CC2D2A: variants seen among roughly 807,000 people sequenced by gnomAD.
CC2D2A encodes coiled-coil and C2 domain containing 2A.
A neutral mutation model predicts 212.9 loss-of-function variants in CC2D2A; 155 were observed. The ratio of observed to expected loss-of-function variants is 0.73; its 90% CI spans 0.64 to 0.83. The LOEUF is 0.83. Among genes scored for constraint, CC2D2A ranks in the 40% least tolerant of loss-of-function variants. CC2D2A has a pLI of 0.00. For missense variants in CC2D2A, 1,856 were observed against 1,956.2 expected, an observed-to-expected ratio of 0.95 and a Z score of 0.97; for synonymous variants, 667 against 686.5, an observed-to-expected ratio of 0.97 and a Z score of 0.44.
rs79867298 is a variant in CC2D2A at position 15,582,292 on chromosome 4, G to C, written c.3975+2121G>C. 6.6e-5 allele frequency among the ~76,000 whole-genome samples: 10 copies of C among 152,072 alleles called. No homozygotes were observed. In the South Asian group the frequency reaches 1.5e-3, roughly 22 times the overall value. ...TATTGAACTAGAATACACAAGCAAA[G>C]AAATTATTTGGAATACAGCACACAG... On this transcript the variant is annotated intron_variant, in intron 30 of 36. Transcript: ENST00000424120.
intron 7 of CC2D2A, 60 bp from the exon 8 acceptor site, chr4:15,511,187 G>A: frequency 6.7e-7 from 1 of 1,500,126 alleles, no homozygotes; most frequent in Non-Finnish European, 8.9e-7. Flanking sequence ...TCAGTTAATT[G>A]TGCAGAGCGC....
At chr4:15,586,816 C>G (rs1720872078) in intron 31 of CC2D2A, among the ~76,000 whole-genome samples, 1 of 152,198 alleles carries the variant, frequency 6.6e-6, no homozygotes, top group Non-Finnish European at 1.5e-5. Flanking sequence ...ACTTCTGGAT[C>G]TCATGTTGTA....
chr4:15,576,354 C>T, intron 29 of CC2D2A: 2 of 983,854 alleles, frequency 2.0e-6, no homozygotes, highest in Non-Finnish European at 2.4e-6. Context: ...TGTTTTTCCA[C>T]TTACAGCAAT....
At position 15,514,586 on chromosome 4, in the gene CC2D2A, A is replaced by T. The variant is rs934941025; in HGVS notation, c.718-121A>T. On this transcript the variant is annotated intron_variant, in intron 8 of 36. Transcript: ENST00000424120. ...TATAGTTCTATGCTTTCACTTTTTT[A>T]AAAAAAGGAAAAGATAAAGTTGTAG... 305 of 792,008 alleles carry T rather than the reference A, an allele frequency of 3.9e-4. 1 individual carries two copies. Among genetic ancestry groups the T allele is most frequent in the Admixed American group, 1.1e-3 (31 of 28,680 alleles). 49.1% of individuals were successfully genotyped at this position (792,008 alleles called of 1,614,324 possible). A position where few individuals can be genotyped will look rare whatever the true frequency, so the allele number is the denominator to read the frequency against.
intron 4 of CC2D2A, chr4:15,481,783 A>C (rs544072001): frequency 6.1e-6 from 6 of 984,946 alleles, no homozygotes; most frequent in South Asian, 4.7e-5. Flanking sequence ...AGGGAGTGTT[A>C]ATTAGAATGG....
Position 15,566,341 on chromosome 4 carries a change from G to A in CC2D2A, c.3183-1036G>A, listed in dbSNP as rs1357363149. 2.6e-5 allele frequency among the ~76,000 whole-genome samples: 4 copies of A among 152,066 alleles called. No homozygotes were observed. The South Asian group carries it at 6.2e-4, about 24-fold the overall frequency. On this transcript the variant is annotated intron_variant, in intron 24 of 36. Transcript: ENST00000424120. ...AGCTTGGGGTTATTGGAGAGTGCAGGTACAAAGAACAGACAGTGGGGAGAA... is the reference window on the plus strand; with the variant it reads ...AGCTTGGGGTTATTGGAGAGTGCAGATACAAAGAACAGACAGTGGGGAGAA...
At chr4:15,495,644 C>T (rs982838918) in intron 4 of CC2D2A, among the ~76,000 whole-genome samples, 2 of 152,070 alleles carry the variant, frequency 1.3e-5, no homozygotes, top group Non-Finnish European at 2.9e-5. Context: ...TGATGGGCAC[C>T]TAGGTTGATT....
chr4:15,505,201 G>C (rs1316560349), intron 6 of CC2D2A, among the ~76,000 whole-genome samples: 1 of 152,142 alleles, frequency 6.6e-6, no homozygotes, highest in Non-Finnish European at 1.5e-5. Context: ...GAATACTTTG[G>C]TCAGTAATCC....
chr4:15,518,962 C>T (rs1717043302), intron 11 of CC2D2A, among the ~76,000 whole-genome samples: 1 of 152,188 alleles, frequency 6.6e-6, no homozygotes, highest in Admixed American at 6.5e-5. Flanking sequence ...AGACATTTTC[C>T]CCATTGTCTT....
At chr4:15,576,328 G>A (rs977708578) in intron 29 of CC2D2A, 37 of 968,134 alleles carry the variant, frequency 3.8e-5, no homozygotes, top group Non-Finnish European at 4.2e-5. Context: ...AAATTATAGG[G>A]TCAACAACCT....
intron 1 of CC2D2A, among the ~76,000 whole-genome samples, chr4:15,474,495 T>C: frequency 6.6e-6 from 1 of 151,064 alleles, no homozygotes; most frequent in East Asian, 1.9e-4. Context: ...AAAAAAAAAA[T>C]AGAAAGAATG....
At chr4:15,556,158 T>C (rs908137408) in intron 20 of CC2D2A, among the ~76,000 whole-genome samples, 1 of 152,258 alleles carries the variant, frequency 6.6e-6, no homozygotes, top group Non-Finnish European at 1.5e-5. Context: ...TCGAATACAA[T>C]TGGTTTTATT....
rs370007423 is a variant in CC2D2A at position 15,510,656 on chromosome 4, C to T, written c.540+416C>T. Reference sequence around the variant, plus strand: ...CTGACTCCTGTTGCCATGCAGTTTGCAAGAAAAAAGTATGAGAAGTGATTC... The same window carrying T: ...CTGACTCCTGTTGCCATGCAGTTTGTAAGAAAAAAGTATGAGAAGTGATTC... On this transcript the variant is annotated intron_variant, in intron 7 of 36. Transcript: ENST00000424120. 1.9e-4 allele frequency among the ~76,000 whole-genome samples: 29 copies of T among 152,054 alleles called. No individual in the cohort carries two copies. The East Asian group carries it at 4.8e-3, about 25-fold the overall frequency.
intron 29 of CC2D2A, among the ~76,000 whole-genome samples, chr4:15,578,557 G>A (rs374291742): frequency 5.3e-5 from 8 of 152,292 alleles, no homozygotes; most frequent in African/African-American, 1.9e-4. Context: ...TACTTTGTGG[G>A]AAAGACTGAG....
intron 2 of CC2D2A, 127 bp downstream of exon 2, chr4:15,476,098 T>C: frequency 1.3e-6 from 1 of 765,912 alleles, no homozygotes; most frequent in Non-Finnish European, 2.1e-6. Context: ...AAGCTTTACA[T>C]GAATTAGATT....
rs188504802 is a variant in CC2D2A, at chr4:15,526,440, C to A, written c.1150-1007C>A. ...CCAGATCTAGCATGTTTACATAACA[C>A]CATGCAAAAGAATTAAATGAAGAGT... On this transcript the variant is annotated intron_variant, in intron 11 of 36. Coordinates refer to ENST00000424120, the MANE Select transcript of CC2D2A (RefSeq NM_001378615.1). 8.5e-5 allele frequency among the ~76,000 whole-genome samples: 13 copies of A among 152,196 alleles called. 1 individual carries two copies. The East Asian group carries it at 2.1e-3, about 25-fold the overall frequency.
At chr4:15,516,060 T>G (rs1716853634) in intron 10 of CC2D2A, 56 bp downstream of exon 10, 1 of 1,454,046 alleles carries the variant, frequency 6.9e-7, no homozygotes, top group Admixed American at 2.6e-5. Flanking sequence ...ACATAGCTTT[T>G]ATTTTCCTAA....
chr4:15,540,735 G>A, intron 16 of CC2D2A, 102 bp from the exon 17 acceptor site: 1 of 1,055,328 alleles, frequency 9.5e-7, no homozygotes, highest in Non-Finnish European at 1.4e-6. Context: ...TGGGAGAGTT[G>A]CCTGCAGTGT....
Position 15,601,385 on chromosome 4 carries a change from C to T in CC2D2A, c.4823C>T (p.Ser1608Phe). The change falls in exon 37 of 37, where the codon TCT becomes TTT. Residue 1608 changes from serine (S) to phenylalanine (F), a missense_variant. Around this residue, in one of 5 missense-constraint regions of CC2D2A, gnomAD observed 285 missense variants for 278.4 expected, o/e 1.02. Transcript: ENST00000424120. ...CACCCATACCCCAAAAATGTTTTGT[C>T]TGTTTGGATCTATGTTGCCTCTCTT... ...YIHPYPKNVLSVWIYVASLIR... is the reference protein window; with the variant it reads ...YIHPYPKNVLFVWIYVASLIR... 6.4e-7 allele frequency: 1 copy of T among 1,572,178 alleles called. No homozygotes were observed. The highest frequency in any genetic ancestry group is 8.7e-7 in the Non-Finnish European group (1 of 1,155,734).
Sources: allele counts gnomAD v4.1 joint callset (sites outside exome capture counted in the v4.1 genomes callset), GRCh38; gene constraint gnomAD v4.1.1; regional missense constraint gnomAD v4.1.1; transcripts MANE v1.5; gene names NCBI Gene and HGNC (gene_info 2026-07-23, HGNC 2026-07-21).